RNF4: variants seen among roughly 807,000 people sequenced by gnomAD.
RNF4 encodes E3 ubiquitin-protein ligase RNF4.
Under a neutral mutation model 24.3 loss-of-function variants are expected in RNF4, and 7 were observed. The ratio of observed to expected loss-of-function variants is 0.29; its 90% CI spans 0.16 to 0.54. The LOEUF (loss-of-function observed/expected upper bound fraction) is 0.54, where lower values mean the gene tolerates loss of function less well. RNF4 is among the 20% of genes least tolerant of loss of function. RNF4 has a pLI of 0.95. For synonymous variants in RNF4, 83 were observed against 84.3 expected, an observed-to-expected ratio of 0.98 and a Z score of 0.09; for missense variants, 209 against 248.5, an observed-to-expected ratio of 0.84 and a Z score of 1.07.
Position 2,515,166 on chromosome 4 carries a change from A to G in RNF4, c.*1347A>G, listed in dbSNP as rs1195887659. On this transcript the variant is annotated 3_prime_UTR_variant, in exon 8 of 8. Transcript: ENST00000314289. ...AACAAACGGCCTTTTCGTGTGAAAC[A>G]TCTTCAGGGCGGGAAAGGGGCCACT... is the stretch of plus-strand genomic sequence containing the variant. 2 of 152,644 alleles carry G rather than the reference A, an allele frequency of 1.3e-5. No individual in the cohort carries two copies. Among genetic ancestry groups the G allele is most frequent in the Non-Finnish European group, 2.9e-5 (2 of 68,050 alleles). The allele number at this position is 152,644 out of a possible 1,614,324, so 9.5% of individuals were successfully genotyped here.
intron 1 of RNF4, chr4:2,469,547 T>C (rs1228251163): frequency 2.0e-5 from 3 of 152,222 alleles, no homozygotes; most frequent in African/African-American, 7.2e-5. Flanking sequence ...ACTGAGACTC[T>C]GGGAGGGGCA....
intron 4 of RNF4, among the ~76,000 whole-genome samples, chr4:2,510,109 T>C (rs1736230043): frequency 6.6e-6 from 1 of 152,212 alleles, no homozygotes; most frequent in African/African-American, 2.4e-5. Flanking sequence ...CACGTTTCAG[T>C]GGCTCCACGT....
At chr4:2,507,430 C>T (rs1468270695) in intron 4 of RNF4, among the ~76,000 whole-genome samples, 5 of 152,206 alleles carry the variant, frequency 3.3e-5, no homozygotes, top group African/African-American at 7.2e-5. Flanking sequence ...CTGCCAGTGC[C>T]GCAAGTAACA....
intron 3 of RNF4, among the ~76,000 whole-genome samples, 177 bp from the exon 4 acceptor site, chr4:2,500,482 G>A (rs922034154): frequency 6.6e-6 from 1 of 152,216 alleles, no homozygotes; most frequent in Admixed American, 6.5e-5. Context: ...TGGAAGGGTG[G>A]TTACTGGCTT....
intron 4 of RNF4, among the ~76,000 whole-genome samples, chr4:2,504,610 G>A (rs1277618887): frequency 6.6e-6 from 1 of 151,222 alleles, no homozygotes; most frequent in African/African-American, 2.4e-5. Flanking sequence ...GAGTGCAGTG[G>A]CGTGATCTTG....
intron 3 of RNF4, among the ~76,000 whole-genome samples, chr4:2,498,669 T>C (rs1177100985): frequency 6.6e-6 from 1 of 152,232 alleles, no homozygotes. Flanking sequence ...TGTGAAACTT[T>C]ATGATACAAG....
chr4:2,505,555 G>A (rs545375133), intron 4 of RNF4: 7 of 149,976 alleles, frequency 4.7e-5, no homozygotes, highest in Non-Finnish European at 8.9e-5. Flanking sequence ...TCGATCTCCT[G>A]ACCTCGTGAT....
chr4:2,473,238 G>A (rs1198693492), intron 1 of RNF4, among the ~76,000 whole-genome samples: 2 of 151,752 alleles, frequency 1.3e-5, no homozygotes, highest in East Asian at 3.9e-4. Context: ...ACAAAAATTA[G>A]CCAGGCATGG....
intron 1 of RNF4, among the ~76,000 whole-genome samples, chr4:2,476,783 G>T: frequency 6.7e-6 from 1 of 149,586 alleles, no homozygotes. Context: ...ATTTGCAGGT[G>T]CAATTATATA....
intron 1 of RNF4, among the ~76,000 whole-genome samples, chr4:2,482,197 C>T (rs995164855): frequency 2.0e-5 from 3 of 152,180 alleles, no homozygotes; most frequent in African/African-American, 7.2e-5. Context: ...TTCGAGAATT[C>T]CCATTGTGGG....
At chr4:2,493,467 G>A (rs1421069795) in intron 2 of RNF4, among the ~76,000 whole-genome samples, 1 of 152,140 alleles carries the variant, frequency 6.6e-6, no homozygotes. Context: ...ATGGAGGTCT[G>A]CTTAGCAGTG....
intron 4 of RNF4, among the ~76,000 whole-genome samples, chr4:2,502,749 C>T (rs1560411033): frequency 6.6e-6 from 1 of 150,806 alleles, no homozygotes; most frequent in Non-Finnish European, 1.5e-5. Flanking sequence ...GAGGCTAAGG[C>T]AGGAGAATTA....
At chr4:2,511,901 CTT>C in intron 4 of RNF4, 53 bp from the exon 5 acceptor site, 1 of 1,552,508 alleles carries the variant, frequency 6.4e-7, no homozygotes. Context: ...TCGTTTATCA[CTT>C]ATATCAAACT....
intron 4 of RNF4, among the ~76,000 whole-genome samples, chr4:2,507,810 T>C (rs1484342112): frequency 2.0e-5 from 3 of 152,142 alleles, no homozygotes; most frequent in Non-Finnish European, 4.4e-5. Context: ...GAGAAGAAGC[T>C]AGAGTAAAAT....
chr4:2,506,955 T>C (rs569064403), intron 4 of RNF4, among the ~76,000 whole-genome samples: 1 of 152,308 alleles, frequency 6.6e-6, no homozygotes, highest in African/African-American at 2.4e-5. Flanking sequence ...GACTGGCAAC[T>C]CTCTTTAAGG....
At chr4:2,485,361 C>T (rs1018262810) in intron 1 of RNF4, among the ~76,000 whole-genome samples, 2 of 152,172 alleles carry the variant, frequency 1.3e-5, no homozygotes, top group East Asian at 1.9e-4. Flanking sequence ...CTTTTAAATT[C>T]TCTTTTACAG....
intron 4 of RNF4, among the ~76,000 whole-genome samples, chr4:2,507,921 C>T (rs1736149338): frequency 6.6e-6 from 1 of 151,990 alleles, no homozygotes; most frequent in African/African-American, 2.4e-5. Context: ...GGGGCCCGAG[C>T]TCAGCTCACT....
chr4:2,513,542 C>A, intron 7 of RNF4, 128 bp from the exon 8 acceptor site: 1 of 1,087,584 alleles, frequency 9.2e-7, no homozygotes, highest in Non-Finnish European at 1.3e-6. Flanking sequence ...AGACCCCTCC[C>A]TGTTGTAGCC....
At chr4:2,500,471 C>G (rs975194534) in intron 3 of RNF4, among the ~76,000 whole-genome samples, 188 bp from the exon 4 acceptor site, 4 of 152,214 alleles carry the variant, frequency 2.6e-5, no homozygotes, top group Admixed American at 2.0e-4. Context: ...GAGCAGAATT[C>G]TGGAAGGGTG....
Sources: allele counts gnomAD v4.1 joint callset (sites outside exome capture counted in the v4.1 genomes callset), GRCh38; gene constraint gnomAD v4.1.1; transcripts MANE v1.5; gene names NCBI Gene and HGNC (gene_info 2026-07-23, HGNC 2026-07-21).